Variants in TESC observed in about 807,000 individuals in gnomAD.
TESC encodes tescalcin, also known as calcineurin B homologous protein 3.
In TESC, 19 loss-of-function variants were observed where a neutral mutation model predicts 31.0. The ratio of observed to expected loss-of-function variants is 0.61; its 90% CI spans 0.43 to 0.90. TESC has a LOEUF of 0.90. Ranked by LOEUF, TESC falls within the 40% of genes least tolerant of loss-of-function variation. The pLI is 0.00. For synonymous variants in TESC, 109 were observed against 114.8 expected (o/e 0.95, Z 0.32); for missense variants, 248 against 303.8 (o/e 0.82, Z 1.36).
intron 6 of TESC, 127 bp from the exon 7 acceptor site, chr12:117,042,121 G>T: frequency 1.1e-6 from 1 of 935,350 alleles, no homozygotes; most frequent in Non-Finnish European, 1.6e-6. Context: ...CTGTTTGGGA[G>T]GAATCACAAG....
intron 2 of TESC, 42 bp downstream of exon 2, chr12:117,075,229 G>A (rs1476294639): frequency 6.2e-7 from 1 of 1,600,296 alleles, no homozygotes; most frequent in South Asian, 1.1e-5. Flanking sequence ...AATTTGCAAG[G>A]GCATGGCCCC....
chr12:117,063,256 G>A lies in TESC; in HGVS notation c.129-6370C>T, dbSNP rs191791860. ...TCCAGGCTGGCTCGAACCATCTTGC[G>A]CTTCCTCACTCTCACCACTTCCTTC... On this transcript the variant is annotated intron_variant, in intron 2 of 7. Transcript: ENST00000335209. 4.5e-3 allele frequency among the ~76,000 whole-genome samples: 687 copies of A among 152,222 alleles called. 2 individuals carry two copies. Among genetic ancestry groups the A allele is most frequent in the African/African-American group, 0.015 (609 of 41,534 alleles).
At chr12:117,081,022 C>T (rs1040623982) in intron 1 of TESC, among the ~76,000 whole-genome samples, 8 of 152,166 alleles carry the variant, frequency 5.3e-5, no homozygotes, top group Non-Finnish European at 1.2e-4. Context: ...CTCATTATTT[C>T]TGGTTTTAGA....
At chr12:117,082,764 T>C (rs948932654) in intron 1 of TESC, among the ~76,000 whole-genome samples, 2 of 152,234 alleles carry the variant, frequency 1.3e-5, no homozygotes, top group Admixed American at 1.3e-4. Context: ...ATAATAGTAG[T>C]CAGTTGTTTT....
chr12:117,041,243 C>G lies in TESC; in HGVS notation c.567+704G>C, dbSNP rs115581296. Among the ~76,000 whole-genome samples the G allele has an allele frequency of 4.9e-3, 748 of 152,274 alleles. 6 individuals carry two copies. The highest frequency in any genetic ancestry group is 0.017 in the African/African-American group (699 of 41,544). ...GGACACAGCGAGGAAGGCCCGGGCG[C>G]AACGTGTGCAGTCAGCTCCAAACTG... is the stretch of plus-strand genomic sequence containing the variant. On this transcript the variant is annotated intron_variant, in intron 7 of 7. Transcript: ENST00000335209.
intron 2 of TESC, among the ~76,000 whole-genome samples, chr12:117,074,135 G>A (rs968031800): frequency 6.6e-6 from 1 of 152,054 alleles, no homozygotes; most frequent in Non-Finnish European, 1.5e-5. Flanking sequence ...TAAGGCAGGA[G>A]GATCACCTGA....
intron 3 of TESC, chr12:117,053,940 C>A (rs751438901): frequency 6.6e-6 from 1 of 152,252 alleles, no homozygotes; most frequent in African/African-American, 2.4e-5. Flanking sequence ...TGAGTCCTTT[C>A]TCTGAGAACC....
At chr12:117,078,451 A>C (rs1272085783) in intron 1 of TESC, among the ~76,000 whole-genome samples, 1 of 152,152 alleles carries the variant, frequency 6.6e-6, no homozygotes, top group African/African-American at 2.4e-5. Flanking sequence ...TGGCAAGAGA[A>C]CGAGACTCTG....
intron 2 of TESC, among the ~76,000 whole-genome samples, chr12:117,062,409 AT>A (rs1419665844): frequency 1.3e-5 from 2 of 152,034 alleles, no homozygotes; most frequent in African/African-American, 4.8e-5. Flanking sequence ...TTTAGTAGAG[AT>A]GGGGTTTCAC....
intron 2 of TESC, among the ~76,000 whole-genome samples, chr12:117,060,680 T>A (rs1286585505): frequency 6.6e-6 from 1 of 152,150 alleles, no homozygotes. Context: ...CACAGACAGG[T>A]TCGGCAACCT....
intron 6 of TESC, 152 bp downstream of exon 6, chr12:117,046,407 G>T (rs1397682333): frequency 4.2e-6 from 3 of 706,614 alleles, no homozygotes; most frequent in East Asian, 5.5e-5. Context: ...CTGGGGGACA[G>T]GAAGGGCTGG....
chr12:117,082,655 G>A (rs975200680), intron 1 of TESC, among the ~76,000 whole-genome samples: 9 of 152,134 alleles, frequency 5.9e-5, no homozygotes, highest in African/African-American at 1.4e-4. Context: ...GCATGTTGTT[G>A]CACGGAAAAT....
intron 4 of TESC, among the ~76,000 whole-genome samples, chr12:117,047,414 A>AT (rs61257950): frequency 0.25 from 36,402 of 144,822 alleles, 5,787 homozygotes; most frequent in African/African-American, 0.47. Flanking sequence ...CTGTGTTGGC[A>AT]TTTTTTTTTT....
chr12:117,066,069 C>T (rs141386158), intron 2 of TESC, among the ~76,000 whole-genome samples: 3 of 152,176 alleles, frequency 2.0e-5, no homozygotes, highest in South Asian at 2.1e-4. Flanking sequence ...CTTCACACAC[C>T]GGCTCCTTCT....
At chr12:117,082,653 T>C (rs534467230) in intron 1 of TESC, among the ~76,000 whole-genome samples, 2 of 152,330 alleles carry the variant, frequency 1.3e-5, no homozygotes, top group Admixed American at 6.5e-5. Flanking sequence ...TGGCATGTTG[T>C]TGCACGGAAA....
In TESC at chr12:117,098,995, C is replaced by T. The variant is rs553379601; in HGVS notation, c.58+230G>A. Reference sequence around the variant, plus strand: ...CGCAGTCCCCCGGCCAGGGAGTTCCCGGGCCAGTCCGAAGCTGAGCGGCTG... The same window carrying T: ...CGCAGTCCCCCGGCCAGGGAGTTCCTGGGCCAGTCCGAAGCTGAGCGGCTG... On this transcript the variant is annotated intron_variant, in intron 1 of 7. Transcript: ENST00000335209. Among the ~76,000 whole-genome samples the T allele has an allele frequency of 2.6e-5, 4 of 152,256 alleles. No individual in the cohort carries two copies. The South Asian group carries it at 8.3e-4, about 32-fold the overall frequency.
At chr12:117,042,943 ATT>A (rs1307777414) in intron 6 of TESC, among the ~76,000 whole-genome samples, 3 of 152,138 alleles carry the variant, frequency 2.0e-5, no homozygotes, top group Admixed American at 1.3e-4. Context: ...CCAAGGTCTG[ATT>A]GCAAAAATTG....
intron 1 of TESC, among the ~76,000 whole-genome samples, chr12:117,082,362 G>T (rs1177234132): frequency 6.6e-6 from 1 of 151,860 alleles, no homozygotes; most frequent in Non-Finnish European, 1.5e-5. Context: ...AAATTAGCCG[G>T]GCATGGTGGC....
In TESC at chr12:117,038,973, T is replaced by C; in HGVS notation, c.*160A>G. The C allele has an allele frequency of 1.7e-6, 1 of 597,902 alleles. No homozygotes were observed. Among genetic ancestry groups the C allele is most frequent in the South Asian group, 2.8e-5 (1 of 36,168 alleles). The allele number at this position is 597,902 out of a possible 1,614,324, so 37.0% of individuals were successfully genotyped here. ...TTTATTGGAGATAAAAACAGCGAAG[T>C]CCCACATACCATACCCTACAAGACA... On this transcript the variant is annotated 3_prime_UTR_variant, in exon 8 of 8. Coordinates refer to ENST00000335209, the MANE Select transcript of TESC (RefSeq NM_017899.4).
Sources: gnomAD v4.1 joint callset for allele counts (sites outside exome capture counted in the v4.1 genomes callset) on GRCh38, gnomAD v4.1.1 for gene constraint, MANE v1.5 for transcripts, NCBI Gene and HGNC (gene_info 2026-07-23, HGNC 2026-07-21) for gene names.